Variants in POLR3H observed in about 807,000 individuals in gnomAD.
POLR3H encodes DNA-directed RNA polymerase III subunit RPC8.
POLR3H carries 17 observed loss-of-function variants against 25.5 expected under a neutral mutation model. The observed-to-expected ratio is 0.67, with a 90% CI of 0.46 to 1.00. POLR3H has a LOEUF of 1.00. Ranked by LOEUF, POLR3H falls within the 50% of genes least tolerant of loss-of-function variation. The pLI is 0.00. For missense variants in POLR3H, 274 were observed against 265.0 expected, an observed-to-expected ratio of 1.03 and a Z score of -0.24; for synonymous variants, 129 against 103.0, an observed-to-expected ratio of 1.25 and a Z score of -1.53.
At chr22:41,530,362 C>A (rs544398582) in intron 5 of POLR3H, among the ~76,000 whole-genome samples, 68 of 152,324 alleles carry the variant, frequency 4.5e-4, no homozygotes, top group Middle Eastern at 6.8e-3. Context: ...CCCACTTTGG[C>A]CTCCCAAAGT....
chr22:41,544,137 T>C lies in POLR3H; in HGVS notation c.-36A>G. 1 of 1,374,596 alleles carries C rather than the reference T, an allele frequency of 7.3e-7. No individual in the cohort carries two copies. Among genetic ancestry groups the C allele is most frequent in the Non-Finnish European group, 1.0e-6 (1 of 968,536 alleles). The allele number at this position is 1,374,596 out of a possible 1,614,324, so 85.1% of individuals were successfully genotyped here. On this transcript the variant is annotated 5_prime_UTR_variant, in exon 1 of 6. The change abolishes the stop of an existing upstream ORF in the 5' untranslated region. Transcript: ENST00000355209. ...GCTGGGGGCTCTGGGAACAGGAGGG[T>C]CAGTCACGCACCAGGGCCGGGGGCA...
At chr22:41,540,655 T>C (rs751404461) in intron 2 of POLR3H, 44 bp downstream of exon 2, 9 of 1,459,118 alleles carry the variant, frequency 6.2e-6, no homozygotes, top group South Asian at 4.5e-5. Context: ...TACAGAAAAC[T>C]GAGCCCCAAG....
rs780742395 is a variant in POLR3H, at chr22:41,532,175, G to A, written c.296-18C>T. 2.5e-6 allele frequency: 4 copies of A among 1,613,452 alleles called. No individual in the cohort carries two copies. In the African/African-American group the frequency reaches 4.0e-5, roughly 16 times the overall value. The stretch of plus-strand genomic sequence containing the variant: ...TAGAGAGACTGGAAGGAAGGAAGCA[G>A]GTGACGGCCTGAGATGGGGGTCCCA... On this transcript the variant is annotated intron_variant, in intron 3 of 5. Coordinates refer to ENST00000355209, the MANE Select transcript of POLR3H (RefSeq NM_001018050.4).
In POLR3H at chr22:41,526,140, T is replaced by C; in HGVS notation, c.*3143A>G. 1.2e-6 allele frequency: 1 copy of C among 808,208 alleles called. No homozygotes were observed. 50.1% of individuals were successfully genotyped at this position (808,208 alleles called of 1,614,324 possible). On this transcript the variant is annotated 3_prime_UTR_variant, in exon 6 of 6. Coordinates refer to ENST00000355209, the MANE Select transcript of POLR3H (RefSeq NM_001018050.4). ...CAGAACACGTGTCTGAAGACTTGCC[T>C]GCCTCTCACCCCTCTGTCACCCCTC... is the stretch of plus-strand genomic sequence containing the variant.
chr22:41,533,397 C>T (rs763054713), intron 2 of POLR3H: 16 of 694,454 alleles, frequency 2.3e-5, no homozygotes, highest in Non-Finnish European at 2.4e-5. Context: ...AGAATCAGCA[C>T]GCGGCTGCCC....
intron 1 of POLR3H, among the ~76,000 whole-genome samples, chr22:41,541,453 G>A (rs1351341293): frequency 1.3e-5 from 2 of 152,152 alleles, no homozygotes; most frequent in Non-Finnish European, 2.9e-5. Flanking sequence ...TGGTTCAAAC[G>A]ACTGGCTACT....
rs544930051 is a variant in POLR3H at position 41,541,803 on chromosome 22, T to C, written c.112-1008A>G. On this transcript the variant is annotated intron_variant, in intron 1 of 5. Coordinates refer to ENST00000355209, the MANE Select transcript of POLR3H (RefSeq NM_001018050.4). Reference sequence around the variant, plus strand: ...AACCTCACAAAGTAACCAGAAGCCATCCACTTAAAGACTCCATGAGTTCCC... The same window carrying C: ...AACCTCACAAAGTAACCAGAAGCCACCCACTTAAAGACTCCATGAGTTCCC... Among the ~76,000 whole-genome samples the C allele has an allele frequency of 3.3e-5, 5 of 152,276 alleles. No individual in the cohort carries two copies. In the East Asian group the frequency reaches 9.7e-4, roughly 29 times the overall value.
Position 41,540,754 on chromosome 22 carries a change from G to T in POLR3H, c.153C>A (p.Ile51=). 6.2e-7 allele frequency: 1 copy of T among 1,614,132 alleles called. No homozygotes were observed. Among genetic ancestry groups the T allele is most frequent in the Non-Finnish European group, 8.5e-7 (1 of 1,179,986 alleles). ...NVGLCICLFD[I]TKLEDAYVFP... is the part of the protein sequence containing the mutation. ...ATACATAGGCATCCTCCAGTTTGGT[G>T]ATATCAAACAGACAAATGCAGAGTC... is the stretch of plus-strand genomic sequence containing the variant. The change falls in exon 2 of 6, where the codon ATC becomes ATA. Residue 51 remains isoleucine (I), a synonymous_variant. Coordinates refer to ENST00000355209, the MANE Select transcript of POLR3H (RefSeq NM_001018050.4).
At position 41,528,329 on chromosome 22, in the gene POLR3H, C is replaced by T; in HGVS notation, c.*954G>A. On this transcript the variant is annotated 3_prime_UTR_variant, in exon 6 of 6. Transcript: ENST00000355209. ...CCCTGTAGGTGCCACCTGGGTCTGA[C>T]CTGGGCCATCAGGCACAGACTGGCC... The T allele has an allele frequency of 8.5e-7, 1 of 1,182,494 alleles. No homozygotes were observed. The highest frequency in any genetic ancestry group is 1.2e-6 in the Non-Finnish European group (1 of 859,916). The allele number at this position is 1,182,494 out of a possible 1,614,324, so 73.3% of individuals were successfully genotyped here. A position where few individuals can be genotyped will look rare whatever the true frequency, so the allele number is the denominator to read the frequency against.
intron 4 of POLR3H, 107 bp from the exon 5 acceptor site, chr22:41,530,995 T>A (rs1225703996): frequency 1.8e-6 from 2 of 1,097,414 alleles, no homozygotes; most frequent in Non-Finnish European, 2.7e-6. Context: ...GAGATCACTG[T>A]GGCTGGGAAG....
At position 41,527,074 on chromosome 22, in the gene POLR3H, C is replaced by A; in HGVS notation, c.*2209G>T. 1 of 652,138 alleles carries A rather than the reference C, an allele frequency of 1.5e-6. No homozygotes were observed. The highest frequency in any genetic ancestry group is 2.6e-6 in the Non-Finnish European group (1 of 386,342). The allele number at this position is 652,138 out of a possible 1,614,324, so 40.4% of individuals were successfully genotyped here. On this transcript the variant is annotated 3_prime_UTR_variant, in exon 6 of 6. Transcript: ENST00000355209. ...TGTCTTCTTTGCCACTGCAAACAAC[C>A]ACGTGCCTCTGTCCCCTCGGGGCCT...
chr22:41,539,113 G>A (rs1437022466), intron 2 of POLR3H: 1 of 152,230 alleles, frequency 6.6e-6, no homozygotes, highest in African/African-American at 2.4e-5. Flanking sequence ...ACAAAAATTA[G>A]CCAGGCGTGG....
intron 2 of POLR3H, among the ~76,000 whole-genome samples, chr22:41,535,143 G>A (rs888138583): frequency 1.3e-5 from 2 of 152,036 alleles, no homozygotes; most frequent in Non-Finnish European, 2.9e-5. Flanking sequence ...CCTCATAATC[G>A]GTGTTGAGTT....
chr22:41,531,396 A>G (rs887596611), intron 4 of POLR3H, among the ~76,000 whole-genome samples: 2 of 152,194 alleles, frequency 1.3e-5, no homozygotes, highest in Non-Finnish European at 2.9e-5. Context: ...CTGGAGTCAC[A>G]TGCAGACCCA....
In POLR3H at chr22:41,527,749, A is replaced by G; in HGVS notation, c.*1534T>C. The G allele has an allele frequency of 3.1e-6, 4 of 1,305,730 alleles. No individual in the cohort carries two copies. The South Asian group carries it at 5.7e-5, about 19-fold the overall frequency. 80.9% of individuals were successfully genotyped at this position (1,305,730 alleles called of 1,614,324 possible). A position where few individuals can be genotyped will look rare whatever the true frequency, so the allele number is the denominator to read the frequency against. ...ACACTTGCTAGGGGCACCCCTAGTG[A>G]AAGGGAGCAGACCAGGGCCCCATAG... On this transcript the variant is annotated 3_prime_UTR_variant, in exon 6 of 6. Coordinates refer to ENST00000355209, the MANE Select transcript of POLR3H (RefSeq NM_001018050.4).
At chr22:41,529,781 A>G (rs2066687294) in intron 5 of POLR3H, 1 of 430,970 alleles carries the variant, frequency 2.3e-6, no homozygotes, top group Middle Eastern at 4.0e-4. Context: ...TTTTTGAGAC[A>G]GTCTCGCACT....
chr22:41,528,728 C>T lies in POLR3H; in HGVS notation c.*555G>A. On this transcript the variant is annotated 3_prime_UTR_variant, in exon 6 of 6. Transcript: ENST00000355209. ...TTCCAAGATGGTGTGACCAGACATG[C>T]TTCCTGCTCCCCGCTTAGCCCACGG... The T allele has an allele frequency of 4.3e-6, 6 of 1,409,386 alleles. No individual in the cohort carries two copies. Among genetic ancestry groups the T allele is most frequent in the Non-Finnish European group, 3.8e-6 (4 of 1,055,932 alleles). The allele number at this position is 1,409,386 out of a possible 1,614,324, so 87.3% of individuals were successfully genotyped here.
At chr22:41,529,490 C>G (rs982529769) in intron 5 of POLR3H, among the ~76,000 whole-genome samples, 154 bp from the exon 6 acceptor site, 3 of 152,256 alleles carry the variant, frequency 2.0e-5, no homozygotes, top group Admixed American at 1.3e-4. Context: ...GGAGCCACAG[C>G]AGTGCTCCCA....
intron 2 of POLR3H, among the ~76,000 whole-genome samples, chr22:41,536,866 CA>C (rs576432041): frequency 4.4e-3 from 243 of 55,654 alleles, no homozygotes; most frequent in African/African-American, 9.9e-3. Context: ...GACTCTGTCT[CA>C]AAAAAAAAAA....
Sources: gnomAD v4.1 joint callset for allele counts (sites outside exome capture counted in the v4.1 genomes callset) on GRCh38, gnomAD v4.1.1 for gene constraint, MANE v1.5 for transcripts, NCBI Gene and HGNC (gene_info 2026-07-23, HGNC 2026-07-21) for gene names.